NFASC: variants seen among roughly 807,000 people sequenced by gnomAD.
NFASC encodes the protein neurofascin homolog.
NFASC carries 43 observed loss-of-function variants against 147.5 expected under a neutral mutation model. The observed-to-expected ratio is 0.29, with a 90% confidence interval of 0.23 to 0.38. The LOEUF (loss-of-function observed/expected upper bound fraction) is 0.38, where lower values mean the gene tolerates loss of function less well. Ranked by LOEUF, NFASC falls within the 10% of genes least tolerant of loss-of-function variation. The pLI, the probability that NFASC is intolerant of heterozygous loss-of-function variation, is 1.00. For missense variants in NFASC, 1,320 were observed against 1,689.0 expected (o/e 0.78, Z 3.83); for synonymous variants, 622 against 665.5 (o/e 0.93, Z 1.01).
chr1:204,966,303 A>G (rs2094945969), intron 8 of NFASC, among the ~76,000 whole-genome samples: 2 of 151,908 alleles, frequency 1.3e-5, no homozygotes, highest in African/African-American at 4.8e-5. Context: ...GTCGCGCGTT[A>G]TGGTGTAAAT....
chr1:204,964,946 G>T (rs2094868848), intron 8 of NFASC, among the ~76,000 whole-genome samples: 1 of 152,172 alleles, frequency 6.6e-6, no homozygotes, highest in Non-Finnish European at 1.5e-5. Context: ...GGCCAACATG[G>T]TTGAGGCATT....
intron 2 of NFASC, among the ~76,000 whole-genome samples, chr1:204,943,405 G>T (rs766140915): frequency 6.6e-6 from 1 of 152,122 alleles, no homozygotes; most frequent in Non-Finnish European, 1.5e-5. Context: ...ATGATTTCTT[G>T]TGCTTGAGGA....
intron 16 of NFASC, 60 bp from the exon 17 acceptor site, chr1:204,977,621 C>A: frequency 6.5e-7 from 1 of 1,544,162 alleles, no homozygotes. Flanking sequence ...CCCCATCCTT[C>A]TAGAACACCT....
intron 1 of NFASC, among the ~76,000 whole-genome samples, chr1:204,842,935 AG>A (rs1286821538): frequency 6.6e-6 from 1 of 152,306 alleles, no homozygotes; most frequent in Non-Finnish European, 1.5e-5. Context: ...TGAGGCTTAA[AG>A]GAATGAATGC....
Position 204,970,694 on chromosome 1 carries a change from A to C in NFASC, c.1082A>C (p.Asn361Thr). ...GATGGGAGACTGGTGTGTCGAGCCA[A>C]TGGAAACCCCAAACCCACTGTCCAG... is the stretch of plus-strand genomic sequence containing the variant. ...GEDGRLVCRA[N>T]GNPKPTVQWM... Residue 361 changes from asparagine to threonine, a missense_variant, in exon 11 of 30, where the codon AAT (asparagine) becomes ACT (threonine). Around this residue, in one of 3 missense-constraint regions of NFASC, gnomAD observed 981 missense variants for 1,289.5 expected, o/e 0.76. Transcript: ENST00000339876. 2 of 1,614,228 alleles carry C rather than the reference A, an allele frequency of 1.2e-6. No individual in the cohort carries two copies. Among genetic ancestry groups the C allele is most frequent in the Non-Finnish European group, 1.7e-6 (2 of 1,180,040 alleles).
At chr1:204,961,566 C>T (rs970629912) in intron 8 of NFASC, among the ~76,000 whole-genome samples, 1 of 152,268 alleles carries the variant, frequency 6.6e-6, no homozygotes, top group Non-Finnish European at 1.5e-5. Flanking sequence ...TGGCCAGGGC[C>T]CCTTGGCCCA....
chr1:204,961,696 C>G (rs2094679793), intron 8 of NFASC, among the ~76,000 whole-genome samples: 1 of 152,266 alleles, frequency 6.6e-6, no homozygotes, highest in Admixed American at 6.5e-5. Flanking sequence ...TTAGCTGCTC[C>G]AAGAGCTAGC....
intron 1 of NFASC, among the ~76,000 whole-genome samples, chr1:204,918,648 T>C (rs1374361587): frequency 6.7e-6 from 1 of 148,970 alleles, no homozygotes; most frequent in Non-Finnish European, 1.5e-5. Context: ...TGCAGTGGCA[T>C]GATCTCAGCT....
At position 205,022,431 on chromosome 1, in the gene NFASC, C is replaced by G. The variant is rs970225730; in HGVS notation, c.*5892C>G. ...CCCACCATTCCAATTTGTTCTTTCC[C>G]GTGGGGAATTTTTTTTCCCAGCGTC... On this transcript the variant is annotated 3_prime_UTR_variant, in exon 30 of 30. Coordinates refer to ENST00000339876, the MANE Select transcript of NFASC (RefSeq NM_001005388.3). 1 of 152,362 alleles carries G rather than the reference C, an allele frequency of 6.6e-6. No individual in the cohort carries two copies. Among genetic ancestry groups the G allele is most frequent in the Non-Finnish European group, 1.5e-5 (1 of 68,008 alleles). The allele number at this position is 152,362 out of a possible 1,614,324, so 9.4% of individuals were successfully genotyped here. A position where few individuals can be genotyped will look rare whatever the true frequency, so the allele number is the denominator to read the frequency against.
intron 28 of NFASC, 82 bp from the exon 29 acceptor site, chr1:205,012,715 C>A: frequency 1.9e-6 from 2 of 1,037,296 alleles, no homozygotes; most frequent in Non-Finnish European, 3.1e-6. Flanking sequence ...TGCCTTCTGG[C>A]CCTGCATTCA....
chr1:204,829,249 G>C (rs1429697998), intron 1 of NFASC, among the ~76,000 whole-genome samples: 1 of 148,172 alleles, frequency 6.7e-6, no homozygotes, highest in Admixed American at 6.7e-5. Context: ...TTGGTGTCCT[G>C]TCTCTCCATT....
intron 1 of NFASC, among the ~76,000 whole-genome samples, chr1:204,905,765 AAG>A (rs927027523): frequency 5.9e-5 from 9 of 152,318 alleles, no homozygotes; most frequent in African/African-American, 2.2e-4. Flanking sequence ...GTACCTGTGC[AAG>A]AGTGTCTCAT....
At chr1:204,905,782 A>G (rs1035996280) in intron 1 of NFASC, among the ~76,000 whole-genome samples, 4 of 152,294 alleles carry the variant, frequency 2.6e-5, no homozygotes, top group South Asian at 2.1e-4. Context: ...TCTCATGGGT[A>G]TATATCTAGG....
chr1:204,834,591 C>T (rs1281249335), intron 1 of NFASC, among the ~76,000 whole-genome samples: 1 of 152,214 alleles, frequency 6.6e-6, no homozygotes, highest in Middle Eastern at 3.2e-3. Context: ...CCTGGCAGCC[C>T]CTCTCCCCGT....
At chr1:204,833,611 C>T (rs1571829954) in intron 1 of NFASC, among the ~76,000 whole-genome samples, 1 of 152,202 alleles carries the variant, frequency 6.6e-6, no homozygotes, top group African/African-American at 2.4e-5. Context: ...GTGGTTCCTG[C>T]TTTCAAATAG....
At chr1:204,971,350 C>T (rs1346258010) in intron 11 of NFASC, among the ~76,000 whole-genome samples, 2 of 152,182 alleles carry the variant, frequency 1.3e-5, no homozygotes, top group Admixed American at 6.5e-5. Flanking sequence ...CCCTTATAAT[C>T]AGTGGCCTTG....
At chr1:204,881,674 A>G (rs901837968) in intron 1 of NFASC, among the ~76,000 whole-genome samples, 1 of 152,206 alleles carries the variant, frequency 6.6e-6, no homozygotes, top group Admixed American at 6.5e-5. Flanking sequence ...AGTAGACAAA[A>G]GACAGAAGGA....
chr1:204,984,401 A>ATGCG (rs1553306720), intron 21 of NFASC: 5 of 158,028 alleles, frequency 3.2e-5, no homozygotes, highest in Non-Finnish European at 5.4e-5. Context: ...ATATATATAT[A>ATGCG]TATATATATA....
chr1:204,830,760 C>G (rs912877559), intron 1 of NFASC, among the ~76,000 whole-genome samples: 2 of 152,192 alleles, frequency 1.3e-5, no homozygotes, highest in African/African-American at 4.8e-5. Context: ...AATGGCAGCC[C>G]GATTCCTGTC....
Sources: allele counts gnomAD v4.1 joint callset (sites outside exome capture counted in the v4.1 genomes callset), GRCh38; gene constraint gnomAD v4.1.1; regional missense constraint gnomAD v4.1.1; transcripts MANE v1.5; gene names NCBI Gene and HGNC (gene_info 2026-07-23, HGNC 2026-07-21).